CTNND2: variants seen among roughly 807,000 people sequenced by gnomAD.
The protein encoded by CTNND2 is catenin delta 2, also known as catenin delta-2.
CTNND2 carries 22 observed loss-of-function variants against 144.4 expected under a neutral mutation model. That is an observed-to-expected ratio of 0.15 (90% CI 0.11 to 0.22). The LOEUF (loss-of-function observed/expected upper bound fraction) is 0.22. Among genes scored for constraint, CTNND2 ranks in the 10% least tolerant of loss-of-function variants. CTNND2 has a pLI of 1.00. For missense variants in CTNND2, 1,353 were observed against 1,618.8 expected, an observed-to-expected ratio of 0.84 and a Z score of 2.82; for synonymous variants, 751 against 695.6, an observed-to-expected ratio of 1.08 and a Z score of -1.25.
chr5:11,711,933 T>C (rs1171416933), intron 2 of CTNND2, among the ~76,000 whole-genome samples: 3 of 152,244 alleles, frequency 2.0e-5, no homozygotes, highest in African/African-American at 7.2e-5. Flanking sequence ...TGGATCACAG[T>C]AAGTCCTCAT....
chr5:11,500,570 A>T (rs1366784374), intron 3 of CTNND2, among the ~76,000 whole-genome samples: 1 of 152,202 alleles, frequency 6.6e-6, no homozygotes, highest in Non-Finnish European at 1.5e-5. Flanking sequence ...AAAAATACCT[A>T]ATCAAAAGGC....
At chr5:11,227,928 T>A (rs532723426) in intron 10 of CTNND2, among the ~76,000 whole-genome samples, 2 of 152,310 alleles carry the variant, frequency 1.3e-5, no homozygotes, top group East Asian at 3.9e-4. Flanking sequence ...AATTTAAGAC[T>A]TAGCATGGCC....
In CTNND2 at chr5:11,373,544, A is replaced by G. The variant is rs9312764; in HGVS notation, c.1178-8654T>C. 4.7e-3 allele frequency among the ~76,000 whole-genome samples: 714 copies of G among 152,328 alleles called. 6 individuals carry two copies. Among genetic ancestry groups the G allele is most frequent in the African/African-American group, 0.017 (687 of 41,570 alleles). On this transcript the variant is annotated intron_variant, in intron 7 of 21. Transcript: ENST00000304623. ...TCAACCCTGAAAGAACATGCACAGC[A>G]TTTGAATGGGAGACTTTTTAAAAGA...
At chr5:11,662,364 G>A (rs978521439) in intron 2 of CTNND2, among the ~76,000 whole-genome samples, 2 of 151,268 alleles carry the variant, frequency 1.3e-5, no homozygotes, top group Admixed American at 6.6e-5. Context: ...ACAATAGGCC[G>A]TCTGCAAGCT....
At chr5:11,074,817 G>T (rs1027607074) in intron 16 of CTNND2, among the ~76,000 whole-genome samples, 1 of 151,950 alleles carries the variant, frequency 6.6e-6, no homozygotes, top group South Asian at 2.1e-4. Context: ...TTTTTATGTC[G>T]TCCTTTAAAT....
At chr5:11,599,166 T>C (rs1050784650) in intron 2 of CTNND2, among the ~76,000 whole-genome samples, 2 of 152,092 alleles carry the variant, frequency 1.3e-5, no homozygotes, top group African/African-American at 4.8e-5. Flanking sequence ...CCTTCAACAC[T>C]TGGAAATTAC....
Position 11,689,266 on chromosome 5 carries a change from T to TG in CTNND2, c.174+42869dup, listed in dbSNP as rs1784790417. Among the ~76,000 whole-genome samples, 3 of 152,292 alleles carry TG rather than the reference T, an allele frequency of 2.0e-5. No homozygotes were observed. In the South Asian group the frequency reaches 6.2e-4, roughly 32 times the overall value. Reference sequence around the variant, plus strand: ...GATCTGGTTTCTTAATCTGCAAAAATGGGAATGATGGTGTCTATTTTACAG... The same window carrying TG: ...GATCTGGTTTCTTAATCTGCAAAAATGGGGAATGATGGTGTCTATTTTACAG... On this transcript the variant is annotated intron_variant, in intron 2 of 21. Coordinates refer to ENST00000304623, the MANE Select transcript of CTNND2 (RefSeq NM_001332.4).
At chr5:11,436,338 A>G (rs973927852) in intron 3 of CTNND2, among the ~76,000 whole-genome samples, 1 of 152,158 alleles carries the variant, frequency 6.6e-6, no homozygotes, top group Non-Finnish European at 1.5e-5. Flanking sequence ...ATCTCCAACC[A>G]GGCTATTTAT....
chr5:11,343,880 A>C (rs956912015), intron 9 of CTNND2, among the ~76,000 whole-genome samples: 3 of 152,226 alleles, frequency 2.0e-5, no homozygotes, highest in Admixed American at 1.3e-4. Context: ...AATTCTCTTA[A>C]ATATATGTAA....
At chr5:11,383,483 T>C (rs1482226258) in intron 7 of CTNND2, among the ~76,000 whole-genome samples, 9 of 152,160 alleles carry the variant, frequency 5.9e-5, no homozygotes, top group Non-Finnish European at 1.2e-4. Flanking sequence ...AAATTCTATT[T>C]GAGAGAGAGG....
At chr5:11,498,021 A>G (rs1235702449) in intron 3 of CTNND2, among the ~76,000 whole-genome samples, 1 of 152,116 alleles carries the variant, frequency 6.6e-6, no homozygotes, top group Non-Finnish European at 1.5e-5. Flanking sequence ...TGCAAAGTAG[A>G]GTCAAACCCA....
chr5:11,036,362 T>C (rs1351798133), intron 16 of CTNND2, among the ~76,000 whole-genome samples: 1 of 152,168 alleles, frequency 6.6e-6, no homozygotes, highest in African/African-American at 2.4e-5. Flanking sequence ...ATATCTTGCA[T>C]CCCAGATAAC....
chr5:11,403,218 A>G (rs927387395), intron 5 of CTNND2, among the ~76,000 whole-genome samples: 4 of 151,816 alleles, frequency 2.6e-5, no homozygotes, highest in Non-Finnish European at 5.9e-5. Context: ...CTCATCCTCC[A>G]TCGGGCCTTG....
intron 2 of CTNND2, among the ~76,000 whole-genome samples, chr5:11,597,064 ATGC>A (rs1779542860): frequency 6.6e-6 from 1 of 152,190 alleles, no homozygotes. Flanking sequence ...CGATAAAAGG[ATGC>A]TGCTCACAGA....
At chr5:11,135,239 G>C (rs1213359907) in intron 12 of CTNND2, among the ~76,000 whole-genome samples, 1 of 152,130 alleles carries the variant, frequency 6.6e-6, no homozygotes. Context: ...TTAGAACTCT[G>C]GCACAAACTA....
intron 1 of CTNND2, among the ~76,000 whole-genome samples, chr5:11,826,378 A>C (rs1171615265): frequency 6.6e-6 from 1 of 152,042 alleles, no homozygotes; most frequent in Non-Finnish European, 1.5e-5. Flanking sequence ...AATAGTGGAG[A>C]TAATGTAATA....
At chr5:11,804,706 G>C (rs529611457) in intron 1 of CTNND2, among the ~76,000 whole-genome samples, 1 of 152,256 alleles carries the variant, frequency 6.6e-6, no homozygotes, top group East Asian at 1.9e-4. Context: ...GGTTTGGAAG[G>C]AGGAGAAAAG....
chr5:11,824,588 A>G (rs1324628353), intron 1 of CTNND2, among the ~76,000 whole-genome samples: 1 of 152,204 alleles, frequency 6.6e-6, no homozygotes, highest in Non-Finnish European at 1.5e-5. Flanking sequence ...CACAAAGCAG[A>G]AGTCAGCTAC....
In CTNND2 at chr5:11,379,327, C is replaced by G. The variant is rs145010192; in HGVS notation, c.1177+5338G>C. On this transcript the variant is annotated intron_variant, in intron 7 of 21. Transcript: ENST00000304623. ...TTTTCTCCACTGACACAAAAATATA[C>G]TACCTCTAACTATGCATCACGTACA... 2.3e-3 allele frequency among the ~76,000 whole-genome samples: 350 copies of G among 152,270 alleles called. 1 individual carries two copies. The highest frequency in any genetic ancestry group is 7.9e-3 in the African/African-American group (330 of 41,554).
Sources: gnomAD v4.1 joint callset for allele counts (sites outside exome capture counted in the v4.1 genomes callset) on GRCh38, gnomAD v4.1.1 for gene constraint, MANE v1.5 for transcripts, NCBI Gene and HGNC (gene_info 2026-07-23, HGNC 2026-07-21) for gene names.